ATXN7L1: variants seen among roughly 807,000 people sequenced by gnomAD.
ATXN7L1 encodes ataxin-7-like protein 1.
A neutral mutation model predicts 70.8 loss-of-function variants in ATXN7L1; 15 were observed. The ratio of observed to expected loss-of-function variants is 0.21; its 90% CI spans 0.14 to 0.33. ATXN7L1 has a LOEUF of 0.33. Ranked by LOEUF, ATXN7L1 falls within the 10% of genes least tolerant of loss-of-function variation. The pLI is 1.00. For missense variants in ATXN7L1, 975 were observed against 1,097.1 expected (o/e 0.89, Z 1.57); for synonymous variants, 440 against 445.1 (o/e 0.99, Z 0.14).
intron 2 of ATXN7L1, among the ~76,000 whole-genome samples, chr7:105,871,084 GT>G (rs3999852): frequency 0.052 from 7,078 of 135,012 alleles, 220 homozygotes; most frequent in South Asian, 0.11. Flanking sequence ...GAGGGCTTGG[GT>G]TTTTTTTTTT....
chr7:105,836,406 G>A (rs376725020), intron 2 of ATXN7L1, among the ~76,000 whole-genome samples: 11 of 152,246 alleles, frequency 7.2e-5, no homozygotes, highest in African/African-American at 1.2e-4. Context: ...CAAATGAGAC[G>A]AATGTGTTAA....
intron 2 of ATXN7L1, among the ~76,000 whole-genome samples, chr7:105,849,260 C>T (rs957817707): frequency 2.6e-5 from 4 of 152,198 alleles, no homozygotes; most frequent in Admixed American, 6.5e-5. Flanking sequence ...CACACCAGGG[C>T]GTCACTCCTT....
intron 3 of ATXN7L1, chr7:105,691,706 A>C (rs1046818713): frequency 6.6e-6 from 1 of 151,568 alleles, no homozygotes; most frequent in East Asian, 1.9e-4. Flanking sequence ...AGAAAGAAAA[A>C]GGAGGGAAAA....
chr7:105,829,642 G>C (rs778288541), intron 2 of ATXN7L1, among the ~76,000 whole-genome samples: 1 of 152,104 alleles, frequency 6.6e-6, no homozygotes, highest in Non-Finnish European at 1.5e-5. Context: ...CTACTGCCAG[G>C]GTCCCCATCT....
At chr7:105,862,652 G>C (rs1004367794) in intron 2 of ATXN7L1, among the ~76,000 whole-genome samples, 2 of 152,162 alleles carry the variant, frequency 1.3e-5, no homozygotes, top group Non-Finnish European at 2.9e-5. Flanking sequence ...TTAATTAGGA[G>C]AGGGGACAGC....
intron 3 of ATXN7L1, among the ~76,000 whole-genome samples, chr7:105,743,445 T>C (rs1247988898): frequency 1.3e-5 from 2 of 152,114 alleles, no homozygotes; most frequent in Non-Finnish European, 2.9e-5. Flanking sequence ...GCAGCAAGTC[T>C]TCTTCAGGAG....
chr7:105,701,088 A>C (rs1375768845), intron 3 of ATXN7L1, among the ~76,000 whole-genome samples: 12 of 152,194 alleles, frequency 7.9e-5, no homozygotes, highest in African/African-American at 2.9e-4. Flanking sequence ...AATTGCAAAA[A>C]GTGTGTCAAG....
intron 3 of ATXN7L1, among the ~76,000 whole-genome samples, chr7:105,697,277 C>T (rs912431333): frequency 2.0e-5 from 3 of 152,140 alleles, no homozygotes; most frequent in East Asian, 1.9e-4. Context: ...TCTATCTCAC[C>T]GCTGCAATCT....
At chr7:105,653,745 C>T (rs1354544627) in intron 4 of ATXN7L1, among the ~76,000 whole-genome samples, 1 of 152,090 alleles carries the variant, frequency 6.6e-6, no homozygotes, top group Non-Finnish European at 1.5e-5. Context: ...TGGCCCACCC[C>T]ACCCCTCCTG....
intron 3 of ATXN7L1, among the ~76,000 whole-genome samples, chr7:105,730,688 C>T (rs1461387625): frequency 6.6e-6 from 1 of 151,402 alleles, no homozygotes. Context: ...GCTGAGATCA[C>T]ACCAGTGCAC....
intron 4 of ATXN7L1, among the ~76,000 whole-genome samples, chr7:105,663,751 T>G (rs560259959): frequency 6.8e-6 from 1 of 148,056 alleles, no homozygotes; most frequent in South Asian, 2.1e-4. Context: ...CAAAATGAAT[T>G]AAAAGCCTCA....
At chr7:105,784,915 AGGCTGCGTCCATGG>A (rs1283089492) in intron 3 of ATXN7L1, among the ~76,000 whole-genome samples, 2 of 152,166 alleles carry the variant, frequency 1.3e-5, no homozygotes, top group African/African-American at 2.4e-5. Flanking sequence ...AGTTAGGAGA[AGGCTGCGTCCATGG>A]GGCTTGGACC....
Position 105,644,734 on chromosome 7 carries a change from G to A in ATXN7L1, c.579-1613C>T, listed in dbSNP as rs1216152333. Among the ~76,000 whole-genome samples, 5 of 152,218 alleles carry A rather than the reference G, an allele frequency of 3.3e-5. No homozygotes were observed. The East Asian group carries it at 9.6e-4, about 29-fold the overall frequency. ...AAATGATAAAAAGATGCAAAGCAAT[G>A]TGATACAGAATTCTTCTAGGCTTAT... On this transcript the variant is annotated intron_variant, in intron 4 of 11. Transcript: ENST00000419735.
At chr7:105,629,807 C>T (rs1163635805) in intron 7 of ATXN7L1, among the ~76,000 whole-genome samples, 2 of 144,078 alleles carry the variant, frequency 1.4e-5, no homozygotes, top group Admixed American at 7.0e-5. Flanking sequence ...TGTAGGCCTC[C>T]GTGCCCGGTC....
rs190081315 is a variant in ATXN7L1, at chr7:105,672,464, T to C, written c.356-7176A>G. 1.6e-4 allele frequency among the ~76,000 whole-genome samples: 24 copies of C among 152,384 alleles called. No homozygotes were observed. The East Asian group carries it at 4.6e-3, about 29-fold the overall frequency. ...TAAACTGTTAGGTAATATTCAATCA[T>C]TAATGTGCTGTAGATTATTTAGCTA... On this transcript the variant is annotated intron_variant, in intron 3 of 11. Transcript: ENST00000419735.
chr7:105,614,945 G>C lies in ATXN7L1; in HGVS notation c.1518-129C>G, dbSNP rs964228326. 4 of 1,119,970 alleles carry C rather than the reference G, an allele frequency of 3.6e-6. No individual in the cohort carries two copies. The Admixed American group carries it at 8.7e-5, about 24-fold the overall frequency. 69.4% of individuals were successfully genotyped at this position (1,119,970 alleles called of 1,614,324 possible). On this transcript the variant is annotated intron_variant, in intron 9 of 11. Coordinates refer to ENST00000419735, the MANE Select transcript of ATXN7L1 (RefSeq NM_020725.2). The surrounding 1 kb of genome is among the most constrained non-coding windows in gnomAD (Gnocchi z 4.3). ...GCAGAACCAGACTATGGAGAATGGA[G>C]CCTTGAAGGATGGGAGAATCTGAAG...
chr7:105,631,088 C>T (rs999793172), intron 7 of ATXN7L1, among the ~76,000 whole-genome samples: 42 of 152,128 alleles, frequency 2.8e-4, no homozygotes, highest in Non-Finnish European at 5.0e-4. Context: ...TGGTTGGGGG[C>T]TGGTGCTCCT....
intron 3 of ATXN7L1, among the ~76,000 whole-genome samples, chr7:105,691,351 G>A (rs1475856955): frequency 2.0e-5 from 3 of 152,128 alleles, no homozygotes; most frequent in Non-Finnish European, 4.4e-5. Flanking sequence ...TGACCCCTAA[G>A]AAATTAATCA....
intron 3 of ATXN7L1, among the ~76,000 whole-genome samples, chr7:105,674,639 C>T (rs1562987913): frequency 2.0e-5 from 3 of 152,220 alleles, no homozygotes; most frequent in Non-Finnish European, 4.4e-5. Flanking sequence ...GTTCCTTTCC[C>T]TCCACGCTTT....
Sources: allele counts gnomAD v4.1 joint callset (sites outside exome capture counted in the v4.1 genomes callset), GRCh38; gene constraint gnomAD v4.1.1; non-coding constraint Gnocchi (gnomAD v3.1); transcripts MANE v1.5; gene names NCBI Gene and HGNC (gene_info 2026-07-23, HGNC 2026-07-21).